The following ANXA5 variants were observed in gnomAD, a reference collection of about 807,000 sequenced individuals.
The protein encoded by ANXA5 is annexin A5.
ANXA5 carries 40 observed loss-of-function variants against 48.1 expected under a neutral mutation model. That is an observed-to-expected ratio of 0.83 (90% CI 0.65 to 1.08). The LOEUF is 1.08. Ranked by LOEUF, ANXA5 falls within the 50% of genes least tolerant of loss-of-function variation. The pLI is 0.00. For missense variants in ANXA5, 357 were observed against 376.8 expected, an observed-to-expected ratio of 0.95 and a Z score of 0.44; for synonymous variants, 113 against 129.1, an observed-to-expected ratio of 0.88 and a Z score of 0.85.
chr4:121,685,631 C>CA (rs1191471149), intron 3 of ANXA5, among the ~76,000 whole-genome samples: 1 of 152,118 alleles, frequency 6.6e-6, no homozygotes, highest in Non-Finnish European at 1.5e-5. Flanking sequence ...AGCACATGAA[C>CA]AGTAGTACAA....
At chr4:121,694,627 C>T (rs764321203) in intron 2 of ANXA5, among the ~76,000 whole-genome samples, 4 of 152,204 alleles carry the variant, frequency 2.6e-5, no homozygotes, top group African/African-American at 9.6e-5. Flanking sequence ...TCGTGATCCA[C>T]GTGCCTCAGC....
In ANXA5 at chr4:121,684,666, T is replaced by C. The variant is rs1724848996; in HGVS notation, c.189+11A>G. On this transcript the variant is annotated intron_variant, in intron 4 of 12. Coordinates refer to ENST00000296511, the MANE Select transcript of ANXA5 (RefSeq NM_001154.4). ...TCTCCCATTCTCTCTTGGGATGAAG[T>C]GTGGTCTTACCCTGCCAAACAGAGT... 3.1e-6 allele frequency: 5 copies of C among 1,610,638 alleles called. No homozygotes were observed. The highest frequency in any genetic ancestry group is 1.3e-5 in the African/African-American group (1 of 74,840).
At chr4:121,682,733 G>A (rs1322910152) in intron 5 of ANXA5, among the ~76,000 whole-genome samples, 1 of 152,004 alleles carries the variant, frequency 6.6e-6, no homozygotes, top group Non-Finnish European at 1.5e-5. Context: ...ATCTCAATGT[G>A]CCCATTCAAA....
At chr4:121,691,157 C>A (rs192126791) in intron 2 of ANXA5, among the ~76,000 whole-genome samples, 198 of 133,734 alleles carry the variant, frequency 1.5e-3, no homozygotes, top group African/African-American at 4.7e-3. Flanking sequence ...ACCACCAATG[C>A]CTTACGAAGA....
intron 8 of ANXA5, among the ~76,000 whole-genome samples, chr4:121,676,454 T>C (rs970585128): frequency 6.6e-6 from 1 of 152,196 alleles, no homozygotes; most frequent in Non-Finnish European, 1.5e-5. Context: ...ACTCCACTGC[T>C]ATTCAGTGGA....
At chr4:121,688,729 C>A (rs953282810) in intron 2 of ANXA5, among the ~76,000 whole-genome samples, 1 of 152,118 alleles carries the variant, frequency 6.6e-6, no homozygotes, top group African/African-American at 2.4e-5. Context: ...GATCATGAGG[C>A]CAAAAGAATA....
chr4:121,696,737 C>T (rs551319126), intron 1 of ANXA5, 113 bp from the exon 2 acceptor site: 4 of 579,022 alleles, frequency 6.9e-6, no homozygotes, highest in Non-Finnish European at 1.1e-5. Flanking sequence ...GGCCCCGCCA[C>T]GGGGCCGACC....
At position 121,669,664 on chromosome 4, in the gene ANXA5, G is replaced by T; in HGVS notation, c.841C>A (p.Leu281Met). 1 of 1,611,480 alleles carries T rather than the reference G, an allele frequency of 6.2e-7. No individual in the cohort carries two copies. The highest frequency in any genetic ancestry group is 1.1e-5 in the South Asian group (1 of 91,002). ...CTAAACTCCTTCCTGATGTTAAACA[G>T]ATCAATCTCACTCCTGGAAACCATG... ...RVMVSRSEID[L>M]FNIRKEFRKN... is the part of the protein sequence containing the mutation. Residue 281 changes from leucine (L) to methionine (M), a missense_variant, in exon 12 of 13, where the codon CTG (leucine) becomes ATG (methionine). Leu to Met is a conservative substitution (Grantham distance 15). Transcript: ENST00000296511.
At chr4:121,686,119 A>G (rs578094024) in intron 3 of ANXA5, among the ~76,000 whole-genome samples, 169 bp downstream of exon 3, 6 of 151,950 alleles carry the variant, frequency 3.9e-5, no homozygotes, top group Non-Finnish European at 8.8e-5. Context: ...GGCCCAGAGA[A>G]GCCAAAAGAC....
rs769980841 is a variant in ANXA5 at position 121,668,423 on chromosome 4, T to C, written c.*45A>G. The C allele has an allele frequency of 6.4e-7, 1 of 1,574,074 alleles. No individual in the cohort carries two copies. Among genetic ancestry groups the C allele is most frequent in the Non-Finnish European group, 8.7e-7 (1 of 1,144,022 alleles). Reference sequence around the variant, plus strand: ...AGCTAAAGGTGCTGAAGGAAGGCAGTGGGGTGGTGCAGGCACACAGCAGGG... The same window carrying C: ...AGCTAAAGGTGCTGAAGGAAGGCAGCGGGGTGGTGCAGGCACACAGCAGGG... On this transcript the variant is annotated 3_prime_UTR_variant, in exon 13 of 13. Transcript: ENST00000296511.
intron 8 of ANXA5, among the ~76,000 whole-genome samples, chr4:121,676,561 C>T (rs1275126088): frequency 6.6e-6 from 1 of 151,868 alleles, no homozygotes; most frequent in Non-Finnish European, 1.5e-5. Flanking sequence ...TGAGCACCTA[C>T]TCTATGCCAG....
intron 8 of ANXA5, among the ~76,000 whole-genome samples, chr4:121,675,597 G>A (rs1724683969): frequency 6.6e-6 from 1 of 152,108 alleles, no homozygotes; most frequent in Admixed American, 6.5e-5. Context: ...TCCATTCAAG[G>A]GATACTTTAA....
intron 8 of ANXA5, among the ~76,000 whole-genome samples, chr4:121,676,894 T>G (rs967774010): frequency 6.6e-6 from 1 of 152,132 alleles, no homozygotes; most frequent in Admixed American, 6.6e-5. Context: ...CTGAGGGCAA[T>G]GGAACCACCA....
At chr4:121,673,951 G>A (rs189014871) in intron 8 of ANXA5, among the ~76,000 whole-genome samples, 1 of 151,970 alleles carries the variant, frequency 6.6e-6, no homozygotes, top group East Asian at 1.9e-4. Context: ...GGACGCTGAG[G>A]CAGGTGGATC....
intron 12 of ANXA5, among the ~76,000 whole-genome samples, chr4:121,669,037 C>A (rs1724567124): frequency 6.8e-6 from 1 of 146,376 alleles, no homozygotes; most frequent in Non-Finnish European, 1.5e-5. Flanking sequence ...GCACATGGTC[C>A]ACATTAACCT....
rs758259826 is a variant in ANXA5 at position 121,678,437 on chromosome 4, C to T, written c.452G>A (p.Arg151Gln). The change falls in exon 7 of 13, where the codon CGG becomes CAG. Residue 151 changes from arginine (R) to glutamine (Q), a missense_variant. Transcript: ENST00000296511. Reference sequence around the variant, plus strand: ...TACCTGAAGGAGAACCACCAACATCCGCTGGTAGTACCCTGAAGTGTCCCC... The same window carrying T: ...TACCTGAAGGAGAACCACCAACATCTGCTGGTAGTACCCTGAAGTGTCCCC... The part of the protein sequence containing the change: ...VVGDTSGYYQ[R>Q]MLVVLLQANR... 2.0e-5 allele frequency: 32 copies of T among 1,613,436 alleles called. No individual in the cohort carries two copies. Among genetic ancestry groups the T allele is most frequent in the East Asian group, 4.5e-5 (2 of 44,882 alleles).
chr4:121,686,354 T>C lies in ANXA5; in HGVS notation c.28A>G (p.Thr10Ala). Residue 10 changes from threonine (T) to alanine (A), a missense_variant, in exon 3 of 13, where the codon ACT becomes GCT. Transcript: ENST00000296511. ...CGCTCATCAAATCCAGGGAAGTCAG[T>C]CACAGTGCCTCTGAGAACCTAATTC... The part of the protein sequence containing the change: MAQVLRGTV[T>A]DFPGFDERAD... The C allele has an allele frequency of 6.2e-7, 1 of 1,614,012 alleles. No homozygotes were observed. The highest frequency in any genetic ancestry group is 1.1e-5 in the South Asian group (1 of 91,080).
At chr4:121,677,753 T>C in intron 8 of ANXA5, 141 bp downstream of exon 8, 1 of 702,540 alleles carries the variant, frequency 1.4e-6, no homozygotes, top group Middle Eastern at 3.0e-4. Flanking sequence ...GCTACTTATG[T>C]AGGTCTTATG....
intron 8 of ANXA5, among the ~76,000 whole-genome samples, chr4:121,676,913 A>C (rs1724708193): frequency 6.6e-6 from 1 of 152,158 alleles, no homozygotes; most frequent in Non-Finnish European, 1.5e-5. Flanking sequence ...CAGAGTCTGA[A>C]GGGGCTGGAC....
Sources: gnomAD v4.1 joint callset for allele counts (sites outside exome capture counted in the v4.1 genomes callset) on GRCh38, gnomAD v4.1.1 for gene constraint, MANE v1.5 for transcripts, NCBI Gene and HGNC (gene_info 2026-07-23, HGNC 2026-07-21) for gene names.